The following UTRN variants were observed in gnomAD, a reference collection of about 807,000 sequenced individuals.
The protein encoded by UTRN is dystrophin-related protein 1.
A neutral mutation model predicts 463.9 loss-of-function variants in UTRN; 283 were observed. The observed-to-expected ratio is 0.61, with a 90% CI of 0.55 to 0.67. The LOEUF is 0.67. Ranked by LOEUF, UTRN falls within the 30% of genes least tolerant of loss-of-function variation. The pLI is 0.00. For synonymous variants in UTRN, 1,442 were observed against 1,431.5 expected (o/e 1.01, Z -0.17); for missense variants, 3,922 against 4,084.3 (o/e 0.96, Z 1.08).
At chr6:144,407,003 G>A (rs1403522990) in intron 3 of UTRN, among the ~76,000 whole-genome samples, 1 of 151,756 alleles carries the variant, frequency 6.6e-6, no homozygotes. Flanking sequence ...TTCCTGGCCA[G>A]CTCCTACCCC....
intron 3 of UTRN, among the ~76,000 whole-genome samples, chr6:144,419,693 A>G (rs991262469): frequency 6.6e-6 from 1 of 152,174 alleles, no homozygotes; most frequent in Admixed American, 6.5e-5. Context: ...CTTGTAAAAA[A>G]CTAAATAAAG....
intron 43 of UTRN, among the ~76,000 whole-genome samples, chr6:144,535,834 C>T (rs1352353870): frequency 1.3e-5 from 2 of 152,174 alleles, no homozygotes; most frequent in Non-Finnish European, 2.9e-5. Context: ...GGCTGGAGTG[C>T]AATGGTGCAA....
chr6:144,677,508 T>C (rs1487662581), intron 51 of UTRN, among the ~76,000 whole-genome samples: 1 of 152,198 alleles, frequency 6.6e-6, no homozygotes, highest in Non-Finnish European at 1.5e-5. Flanking sequence ...CTTTATCCAG[T>C]CTATCATTGA....
intron 71 of UTRN, 25 bp from the exon 72 acceptor site, chr6:144,839,148 C>A: frequency 6.4e-7 from 1 of 1,572,218 alleles, no homozygotes; most frequent in Non-Finnish European, 8.8e-7. Flanking sequence ...CCTTTCTCTG[C>A]TTTAACCTCT....
At chr6:144,474,524 A>G (rs1790989693) in intron 24 of UTRN, 80 bp from the exon 25 acceptor site, 25 of 1,379,944 alleles carry the variant, frequency 1.8e-5, no homozygotes, top group South Asian at 1.8e-4. Context: ...TAATATTTGC[A>G]GGGAGATAAG....
chr6:144,327,932 G>A (rs137867683), intron 2 of UTRN, among the ~76,000 whole-genome samples: 35 of 152,116 alleles, frequency 2.3e-4, no homozygotes, highest in Non-Finnish European at 4.7e-4. Context: ...CAACAAGGGC[G>A]AAACTCCGTC....
intron 58 of UTRN, 168 bp downstream of exon 58, chr6:144,758,157 A>C (rs991975462): frequency 1.9e-6 from 1 of 534,144 alleles, no homozygotes; most frequent in Non-Finnish European, 3.2e-6. Flanking sequence ...CATGAGAATT[A>C]TATTTTTCAT....
chr6:144,565,297 G>T (rs1800303227), intron 50 of UTRN, among the ~76,000 whole-genome samples: 1 of 152,152 alleles, frequency 6.6e-6, no homozygotes, highest in South Asian at 2.1e-4. Context: ...TTAAGTTTGA[G>T]ATGCCTGTTA....
intron 2 of UTRN, among the ~76,000 whole-genome samples, chr6:144,335,594 C>T (rs868440685): frequency 1.3e-5 from 2 of 152,212 alleles, no homozygotes; most frequent in South Asian, 4.1e-4. Flanking sequence ...TGGGAACCGG[C>T]TCTTTCACTG....
intron 71 of UTRN, 100 bp from the exon 72 acceptor site, chr6:144,839,073 T>A: frequency 1.2e-6 from 1 of 855,722 alleles, no homozygotes; most frequent in Non-Finnish European, 1.8e-6. Context: ...TCTATATGAT[T>A]TAATTATCCA....
chr6:144,584,995 T>A (rs1300312423), intron 51 of UTRN, among the ~76,000 whole-genome samples: 1 of 152,092 alleles, frequency 6.6e-6, no homozygotes, highest in Non-Finnish European at 1.5e-5. Flanking sequence ...GCTTTCTTTT[T>A]TTTAAGAGCA....
intron 51 of UTRN, among the ~76,000 whole-genome samples, chr6:144,633,789 A>G (rs1776806682): frequency 6.6e-6 from 1 of 152,218 alleles, no homozygotes; most frequent in Admixed American, 6.5e-5. Context: ...CTTCGGTATG[A>G]TAAATTCTTT....
Position 144,421,887 on chromosome 6 carries a change from C to A in UTRN, c.151C>A (p.Pro51Thr). The A allele has an allele frequency of 1.2e-6, 2 of 1,610,826 alleles. No individual in the cohort carries two copies. Among genetic ancestry groups the A allele is most frequent in the Non-Finnish European group, 8.5e-7 (1 of 1,178,602 alleles). The change falls in exon 4 of 75, where the codon CCA becomes ACA. Residue 51 changes from proline (P) to threonine (T), a missense_variant. Pro to Thr is a conservative substitution (Grantham distance 38). Around this residue, in one of 3 missense-constraint regions of UTRN, gnomAD observed 264 missense variants for 327.9 expected, o/e 0.81. Transcript: ENST00000367545. ...INARFSKSGK[P>T]PINDMFTDLK... ...TGTTTTTCTTTTACAGAGTGGGAAA[C>A]CACCCATCAATGATATGTTCACAGA...
At chr6:144,364,370 A>G (rs967518221) in intron 2 of UTRN, among the ~76,000 whole-genome samples, 1 of 152,088 alleles carries the variant, frequency 6.6e-6, no homozygotes, top group East Asian at 1.9e-4. Flanking sequence ...CCTGAGAGGT[A>G]AAAGGAGTGA....
chr6:144,431,356 G>C (rs1376551784), intron 9 of UTRN, among the ~76,000 whole-genome samples: 6 of 152,196 alleles, frequency 3.9e-5, no homozygotes, highest in African/African-American at 1.2e-4. Context: ...TTAAGTGCAA[G>C]TGTATTAACA....
At chr6:144,539,917 C>T (rs1289166235) in intron 45 of UTRN, among the ~76,000 whole-genome samples, 1 of 151,880 alleles carries the variant, frequency 6.6e-6, no homozygotes, top group Non-Finnish European at 1.5e-5. Flanking sequence ...GTGGCACACG[C>T]CTGTAATCGC....
intron 57 of UTRN, among the ~76,000 whole-genome samples, chr6:144,757,710 T>C (rs1792167293): frequency 6.6e-6 from 1 of 152,122 alleles, no homozygotes; most frequent in Non-Finnish European, 1.5e-5. Context: ...GTTAGATTAG[T>C]TGGCATTAGA....
chr6:144,654,168 G>A (rs1158938990), intron 51 of UTRN, among the ~76,000 whole-genome samples: 1 of 152,234 alleles, frequency 6.6e-6, no homozygotes, highest in Non-Finnish European at 1.5e-5. Context: ...GATGGATCAT[G>A]ATTAGGGAGT....
At position 144,447,269 on chromosome 6, in the gene UTRN, G is replaced by T. The variant is rs768163478; in HGVS notation, c.1673G>T (p.Ser558Ile). The part of the protein sequence containing the change: ...KEEALNKVQT[S>I]NFKDQKELSV... ...GAGGCTTTAAATAAAGTCCAGACAA[G>T]CAACTTCAAAGACCAAAAGGAACTA... Residue 558 changes from serine (S) to isoleucine (I), a missense_variant, in exon 15 of 75, where the codon AGC becomes ATC. Ser to Ile is a moderately radical substitution (Grantham distance 142, BLOSUM62 -2). Around this residue, in one of 3 missense-constraint regions of UTRN, gnomAD observed 2,349 missense variants for 2,303.8 expected, o/e 1.02. Coordinates refer to ENST00000367545, the MANE Select transcript of UTRN (RefSeq NM_007124.3). The T allele has an allele frequency of 6.2e-6, 10 of 1,613,952 alleles. No homozygotes were observed. Among genetic ancestry groups the T allele is most frequent in the Non-Finnish European group, 8.5e-6 (10 of 1,179,876 alleles).
Sources: gnomAD v4.1 joint callset for allele counts (sites outside exome capture counted in the v4.1 genomes callset) on GRCh38, gnomAD v4.1.1 for gene constraint, gnomAD v4.1.1 regional missense constraint, MANE v1.5 for transcripts, NCBI Gene and HGNC (gene_info 2026-07-23, HGNC 2026-07-21) for gene names.